Variants in TLE4 observed in about 807,000 individuals in gnomAD.
TLE4 encodes TLE family member 4, transcriptional corepressor, also known as transducin-like enhancer protein 4.
TLE4 carries 8 observed loss-of-function variants against 92.8 expected under a neutral mutation model. That is an observed-to-expected ratio of 0.09 (90% CI 0.05 to 0.16). TLE4 has a LOEUF of 0.16. Ranked by LOEUF, TLE4 falls within the 10% of genes least tolerant of loss-of-function variation. The probability of loss-of-function intolerance (pLI) is 1.00; values close to 1 mark genes in which losing one functional copy is unlikely to be tolerated. For missense variants in TLE4, 675 were observed against 997.6 expected (o/e 0.68, Z 4.36); for synonymous variants, 371 against 374.1 (o/e 0.99, Z 0.10).
intron 4 of TLE4, among the ~76,000 whole-genome samples, chr9:79,592,004 C>T (rs2132325178): frequency 6.6e-6 from 1 of 152,280 alleles, no homozygotes; most frequent in East Asian, 1.9e-4. Flanking sequence ...TCCACATCTT[C>T]TGTATACCAC....
chr9:79,714,314 C>A (rs1304047452), intron 14 of TLE4, among the ~76,000 whole-genome samples: 1 of 152,262 alleles, frequency 6.6e-6, no homozygotes, highest in East Asian at 1.9e-4. Flanking sequence ...CTGGTCCTTC[C>A]CTTTTATAGC....
At chr9:79,661,690 A>G (rs1186128595) in intron 8 of TLE4, among the ~76,000 whole-genome samples, 1 of 152,270 alleles carries the variant, frequency 6.6e-6, no homozygotes, top group Admixed American at 6.5e-5. Context: ...TTGAAATGTT[A>G]GCATTGAATA....
intron 6 of TLE4, among the ~76,000 whole-genome samples, chr9:79,631,024 C>A (rs2054041253): frequency 6.6e-6 from 1 of 152,118 alleles, no homozygotes; most frequent in African/African-American, 2.4e-5. Context: ...AAGCTCACCC[C>A]CATCCCCAAT....
intron 8 of TLE4, among the ~76,000 whole-genome samples, chr9:79,700,158 G>A (rs1433557464): frequency 1.3e-5 from 2 of 150,286 alleles, no homozygotes; most frequent in Non-Finnish European, 2.9e-5. Flanking sequence ...AAAGCAGCCC[G>A]TGGGGCTGAG....
intron 8 of TLE4, among the ~76,000 whole-genome samples, chr9:79,654,863 G>A (rs2059547194): frequency 2.0e-5 from 3 of 152,188 alleles, no homozygotes; most frequent in Admixed American, 2.0e-4. Context: ...ACCATTGTAG[G>A]CCGGGCTTGG....
Position 79,684,608 on chromosome 9 carries a change from G to A in TLE4, c.610-20175G>A, listed in dbSNP as rs180811701. ...AAACCACTACCGCCACCCCACCTCC[G>A]TCCATGGAAAAATTGTCTTCCATGA... On this transcript the variant is annotated intron_variant, in intron 8 of 19. Coordinates refer to ENST00000376552, the MANE Select transcript of TLE4 (RefSeq NM_007005.6). Among the ~76,000 whole-genome samples the A allele has an allele frequency of 1.6e-3, 245 of 152,216 alleles. 1 individual carries two copies. Among genetic ancestry groups the A allele is most frequent in the Admixed American group, 4.8e-3 (74 of 15,286 alleles).
chr9:79,573,572 CTT>C, intron 1 of TLE4, 115 bp from the exon 2 acceptor site: 1 of 919,220 alleles, frequency 1.1e-6, no homozygotes. Context: ...TTTAATCTCT[CTT>C]TGCTTGCGTG....
chr9:79,668,984 C>T (rs956190098), intron 8 of TLE4, among the ~76,000 whole-genome samples: 2 of 152,138 alleles, frequency 1.3e-5, no homozygotes, highest in South Asian at 4.1e-4. Context: ...GATTGAGTGT[C>T]GGAGAAGCCC....
chr9:79,580,684 C>T (rs62566846), intron 4 of TLE4, among the ~76,000 whole-genome samples: 3,385 of 150,290 alleles, frequency 0.023, 53 homozygotes, highest in African/African-American at 0.04. Context: ...TATGGAGGCA[C>T]AAATGTGTCT....
At chr9:79,693,283 A>T (rs761490927) in intron 8 of TLE4, among the ~76,000 whole-genome samples, 6 of 152,094 alleles carry the variant, frequency 3.9e-5, no homozygotes, top group Non-Finnish European at 7.4e-5. Context: ...GAAAACCCTT[A>T]GGCAGAATCT....
chr9:79,590,530 T>C (rs746086137), intron 4 of TLE4, among the ~76,000 whole-genome samples: 43 of 152,190 alleles, frequency 2.8e-4, no homozygotes, highest in Admixed American at 1.3e-4. Context: ...AACCTTCCTT[T>C]TGTAATATGG....
chr9:79,646,275 A>C (rs1247235009), intron 6 of TLE4, among the ~76,000 whole-genome samples: 1 of 152,194 alleles, frequency 6.6e-6, no homozygotes, highest in Non-Finnish European at 1.5e-5. Context: ...TAATTAACCC[A>C]GATGGGGCAG....
Position 79,656,685 on chromosome 9 carries a change from T to G in TLE4, c.609+2610T>G, listed in dbSNP as rs191687358. ...GAACATTTTGATATGGTAGCAAAAT[T>G]TTGATTTATACAAGGTTGTAGATGG... is the stretch of plus-strand genomic sequence containing the variant. On this transcript the variant is annotated intron_variant, in intron 8 of 19. Coordinates refer to ENST00000376552, the MANE Select transcript of TLE4 (RefSeq NM_007005.6). Among the ~76,000 whole-genome samples the G allele has an allele frequency of 2.2e-3, 342 of 152,286 alleles. 1 individual carries two copies. The highest frequency in any genetic ancestry group is 6.9e-3 in the African/African-American group (285 of 41,550).
rs779269277 is a variant in TLE4, at chr9:79,720,285, C to T, written c.1830C>T (p.Thr610=). Residue 610 remains threonine (T), a synonymous_variant, in exon 16 of 20, where the codon ACC becomes ACT. Transcript: ENST00000376552. ...CTGTGTGGGATCTGCACAACCAGACCTTGGTGAGGTAGGTTAGCAGGATCT... is the reference window on the plus strand; with the variant it reads ...CTGTGTGGGATCTGCACAACCAGACTTTGGTGAGGTAGGTTAGCAGGATCT... ...NIAVWDLHNQ[T]LVRQFQGHTD... The T allele has an allele frequency of 1.2e-6, 2 of 1,610,204 alleles. No homozygotes were observed. Among genetic ancestry groups the T allele is most frequent in the South Asian group, 1.1e-5 (1 of 90,948 alleles).
chr9:79,588,261 C>A (rs2041684661), intron 4 of TLE4, among the ~76,000 whole-genome samples: 1 of 151,916 alleles, frequency 6.6e-6, no homozygotes, highest in East Asian at 1.9e-4. Flanking sequence ...GATTCTCCTG[C>A]CTGAGCCTCC....
chr9:79,572,961 G>T, intron 1 of TLE4, 126 bp downstream of exon 1: 1 of 985,820 alleles, frequency 1.0e-6, no homozygotes, highest in East Asian at 3.2e-5. Context: ...GGCGCCCCGC[G>T]CCGGGAGCAG....
intron 6 of TLE4, among the ~76,000 whole-genome samples, chr9:79,632,968 C>T (rs950779344): frequency 2.0e-5 from 3 of 152,218 alleles, no homozygotes; most frequent in African/African-American, 4.8e-5. Flanking sequence ...TCATCAAACA[C>T]ATGGCAGGAA....
At chr9:79,654,131 G>C in intron 8 of TLE4, 56 bp downstream of exon 8, 1 of 1,515,402 alleles carries the variant, frequency 6.6e-7, no homozygotes, top group South Asian at 1.1e-5. Flanking sequence ...TAAATGATTT[G>C]AATGAATCTA....
intron 6 of TLE4, among the ~76,000 whole-genome samples, chr9:79,634,409 G>A (rs967923861): frequency 2.6e-5 from 4 of 152,080 alleles, no homozygotes; most frequent in African/African-American, 9.7e-5. Context: ...TTACGGATTT[G>A]TATTTTTTTA....
Sources: allele counts gnomAD v4.1 joint callset (sites outside exome capture counted in the v4.1 genomes callset), GRCh38; gene constraint gnomAD v4.1.1; transcripts MANE v1.5; gene names NCBI Gene and HGNC (gene_info 2026-07-23, HGNC 2026-07-21).